Variants in HLA-DPB1 observed in about 807,000 individuals in gnomAD.
The protein encoded by HLA-DPB1 is HLA class II histocompatibility antigen, DP beta 1 chain.
A neutral mutation model predicts 29.4 loss-of-function variants in HLA-DPB1; 30 were observed. The ratio of observed to expected loss-of-function variants is 1.02; its 90% CI spans 0.76 to 1.38. The LOEUF (loss-of-function observed/expected upper bound fraction) is 1.38, where lower values mean the gene tolerates loss of function less well. Among genes scored for constraint, HLA-DPB1 ranks in the 40% most tolerant of loss-of-function variants. The pLI, the probability that HLA-DPB1 is intolerant of heterozygous loss-of-function variation, is 0.00. For missense variants in HLA-DPB1, 261 were observed against 327.5 expected, an observed-to-expected ratio of 0.80 and a Z score of 1.57; for synonymous variants, 114 against 134.0, an observed-to-expected ratio of 0.85 and a Z score of 1.03.
At chr6:33,084,582 G>A (rs564292623) in intron 2 of HLA-DPB1, among the ~76,000 whole-genome samples, 16 of 152,198 alleles carry the variant, frequency 1.1e-4, no homozygotes, top group African/African-American at 3.9e-4. Context: ...TCAGGCGTTG[G>A]TCAAGTGCTC....
intron 1 of HLA-DPB1, among the ~76,000 whole-genome samples, chr6:33,078,356 C>T (rs73741626): frequency 0.044 from 6,756 of 152,158 alleles, 227 homozygotes; most frequent in South Asian, 0.087. Flanking sequence ...GTGGGCAGGG[C>T]TGATTCCACA....
chr6:33,084,234 G>A (rs541775072), intron 2 of HLA-DPB1, among the ~76,000 whole-genome samples: 3 of 152,232 alleles, frequency 2.0e-5, no homozygotes, highest in Non-Finnish European at 4.4e-5. Context: ...GAAAAGGTAG[G>A]TAATTTCACA....
At position 33,088,876 on chromosome 6, in the gene HLA-DPB1, C is replaced by T. The variant is rs368192351; in HGVS notation, c.*2342C>T. Among the ~76,000 whole-genome samples the T allele has an allele frequency of 5.5e-4, 83 of 152,190 alleles. 1 individual carries two copies. The South Asian group carries it at 7.5e-3, about 14-fold the overall frequency. On this transcript the variant is annotated 3_prime_UTR_variant, in exon 6 of 6. Coordinates refer to ENST00000418931, the MANE Select transcript of HLA-DPB1 (RefSeq NM_002121.6). The stretch of plus-strand genomic sequence containing the variant: ...GATACCTGCAGAAGAAAAAACCCGG[C>T]GGGCTTAGGACTCCCAGCTGAGTGT...
intron 3 of HLA-DPB1, 146 bp from the exon 4 acceptor site, chr6:33,085,633 C>A: frequency 1.5e-6 from 1 of 671,254 alleles, no homozygotes; most frequent in Non-Finnish European, 2.7e-6. Context: ...ATGAGGGTGG[C>A]TCTTTCTGAA....
In HLA-DPB1 at chr6:33,087,375, C is replaced by T. The variant is rs1763155248; in HGVS notation, c.*841C>T. Among the ~76,000 whole-genome samples, 1 of 151,660 alleles carries T rather than the reference C, an allele frequency of 6.6e-6. No individual in the cohort carries two copies. Among genetic ancestry groups the T allele is most frequent in the African/African-American group, 2.4e-5 (1 of 41,138 alleles). On this transcript the variant is annotated 3_prime_UTR_variant, in exon 6 of 6. Coordinates refer to ENST00000418931, the MANE Select transcript of HLA-DPB1 (RefSeq NM_002121.6). ...ACTCCCCACTGGGGAAAGAGCAAAG[C>T]AATACATGTAGCACTCTTTTTCAAA...
chr6:33,080,646 C>T lies in HLA-DPB1; in HGVS notation c.101-26C>T, dbSNP rs1177642642. The stretch of plus-strand genomic sequence containing the variant: ...GAGGATTAGATGAGAGTGGCGCCTC[C>T]GCTCATGTCCGCCCCCTCCCCGCAG... On this transcript the variant is annotated intron_variant, in intron 1 of 5. Transcript: ENST00000418931. This position sits in a 1 kb window ranked among gnomAD's most constrained non-coding sequence, Gnocchi z 4.3. The T allele has an allele frequency of 6.2e-7, 1 of 1,611,950 alleles. No individual in the cohort carries two copies. Among genetic ancestry groups the T allele is most frequent in the Non-Finnish European group, 8.5e-7 (1 of 1,179,082 alleles).
rs752359262 is a variant in HLA-DPB1, at chr6:33,088,574, A to C, written c.*2040A>C. ...GGATTTCTAAGGAAGGATGCAGTGC[A>C]GAGACAGGTCCCAGAGGAGACAAGA... On this transcript the variant is annotated 3_prime_UTR_variant, in exon 6 of 6. Coordinates refer to ENST00000418931, the MANE Select transcript of HLA-DPB1 (RefSeq NM_002121.6). 2.0e-5 allele frequency among the ~76,000 whole-genome samples: 3 copies of C among 152,164 alleles called. No individual in the cohort carries two copies. Among genetic ancestry groups the C allele is most frequent in the Non-Finnish European group, 2.9e-5 (2 of 68,048 alleles).
rs369738411 is a variant in HLA-DPB1, at chr6:33,085,899, C to T, written c.757+10C>T. 5.0e-5 allele frequency: 78 copies of T among 1,571,204 alleles called. No individual in the cohort carries two copies. The East Asian group carries it at 9.6e-4, about 19-fold the overall frequency. ...AGGAGGAGCAAGAAAGGTGAGAAAG[C>T]CTGCAGGGTGAGCGGGACTTACCTT... On this transcript the variant is annotated intron_variant, in intron 4 of 5. Transcript: ENST00000418931.
chr6:33,085,291 G>A, intron 3 of HLA-DPB1, 60 bp downstream of exon 3: 1 of 1,408,658 alleles, frequency 7.1e-7, no homozygotes, highest in Non-Finnish European at 9.7e-7. Context: ...CTCTGGCTCT[G>A]GGGTCCACTC....
chr6:33,081,117 T>C (rs1358227449), intron 2 of HLA-DPB1, 182 bp downstream of exon 2: 1 of 687,616 alleles, frequency 1.5e-6, no homozygotes, highest in African/African-American at 1.8e-5. Flanking sequence ...GGACCTGGAC[T>C]GGGCTGAGCA....
chr6:33,085,820 G>T lies in HLA-DPB1; in HGVS notation c.688G>T (p.Ala230Ser). The T allele has an allele frequency of 6.2e-7, 1 of 1,614,138 alleles. No individual in the cohort carries two copies. Among genetic ancestry groups the T allele is most frequent in the Non-Finnish European group, 8.5e-7 (1 of 1,180,000 alleles). Residue 230 changes from alanine (A) to serine (S), a missense_variant, in exon 4 of 6, where the codon GCT becomes TCT. By Grantham distance (99) the Ala-to-Ser change is moderately conservative. Coordinates refer to ENST00000418931, the MANE Select transcript of HLA-DPB1 (RefSeq NM_002121.6). ...DSARSKTLTG[A>S]GGFVLGLIIC... ...TGCCCGGAGTAAGACATTGACGGGA[G>T]CTGGGGGCTTCGTGCTGGGGCTCAT...
At chr6:33,076,532 T>C (rs1044612482) in intron 1 of HLA-DPB1, among the ~76,000 whole-genome samples, 6 of 152,184 alleles carry the variant, frequency 3.9e-5, no homozygotes, top group Non-Finnish European at 7.4e-5. Context: ...AGCTGGAGTG[T>C]CCAGGCTCTG....
chr6:33,077,744 T>G (rs528417337), intron 1 of HLA-DPB1, among the ~76,000 whole-genome samples: 2 of 152,228 alleles, frequency 1.3e-5, no homozygotes, highest in South Asian at 4.1e-4. Context: ...ACACCCTTCC[T>G]CCTAGACCTC....
intron 3 of HLA-DPB1, 26 bp from the exon 4 acceptor site, chr6:33,085,753 A>G (rs1190224205): frequency 6.6e-7 from 1 of 1,524,054 alleles, no homozygotes; most frequent in South Asian, 1.1e-5. Context: ...TGGAGGTGAC[A>G]CTAAACCTGG....
Position 33,080,688 on chromosome 6 carries a change from G to A in HLA-DPB1, c.117G>A (p.Gln39=). ...GRATPENYLF[Q]GRQECYAFNG... ...TCCCCGCAGAGAATTACCTTTTCCA[G>A]GGACGGCAGGAATGCTACGCGTTTA... Residue 39 remains glutamine (Q), a synonymous_variant, in exon 2 of 6, where the codon CAG becomes CAA. Coordinates refer to ENST00000418931, the MANE Select transcript of HLA-DPB1 (RefSeq NM_002121.6). The surrounding 1 kb of genome is among the most constrained non-coding windows in gnomAD (Gnocchi z 4.3). The A allele has an allele frequency of 6.2e-7, 1 of 1,612,804 alleles. No individual in the cohort carries two copies. The highest frequency in any genetic ancestry group is 8.5e-7 in the Non-Finnish European group (1 of 1,179,510).
At position 33,085,731 on chromosome 6, in the gene HLA-DPB1, G is replaced by C. The variant is rs570506540; in HGVS notation, c.647-48G>C. The C allele has an allele frequency of 1.4e-5, 17 of 1,191,068 alleles. No homozygotes were observed. In the South Asian group the frequency reaches 2.1e-4, roughly 14 times the overall value. 73.8% of individuals were successfully genotyped at this position (1,191,068 alleles called of 1,614,324 possible). On this transcript the variant is annotated intron_variant, in intron 3 of 5. Transcript: ENST00000418931. ...AGAATCTCAGACAGGACATGAGTAGGGATGCAGCTGGTGGAGGTGACACTA... is the reference window on the plus strand; with the variant it reads ...AGAATCTCAGACAGGACATGAGTAGCGATGCAGCTGGTGGAGGTGACACTA...
chr6:33,083,382 T>C (rs565556083), intron 2 of HLA-DPB1: 4 of 152,378 alleles, frequency 2.6e-5, no homozygotes, highest in Non-Finnish European at 5.9e-5. Flanking sequence ...AGGGTAGTCC[T>C]CTGAAAGAGC....
intron 4 of HLA-DPB1, 144 bp downstream of exon 4, chr6:33,086,033 A>G (rs1240955826): frequency 2.6e-6 from 2 of 769,714 alleles, no homozygotes; most frequent in African/African-American, 1.8e-5. Context: ...AACATGACCT[A>G]TAGCGAGAGA....
intron 3 of HLA-DPB1, 40 bp downstream of exon 3, chr6:33,085,271 G>A (rs1356639769): frequency 9.2e-6 from 14 of 1,523,674 alleles, no homozygotes; most frequent in Non-Finnish European, 1.1e-5. Flanking sequence ...CCTCTGAAGA[G>A]CAGGGGACTC....
Sources: gnomAD v4.1 joint callset for allele counts (sites outside exome capture counted in the v4.1 genomes callset) on GRCh38, gnomAD v4.1.1 for gene constraint, Gnocchi (gnomAD v3.1) non-coding constraint, MANE v1.5 for transcripts, NCBI Gene and HGNC (gene_info 2026-07-23, HGNC 2026-07-21) for gene names.